Variants in FTCDNL1 observed in about 807,000 individuals in gnomAD.
FTCDNL1 encodes the protein formiminotransferase N-terminal subdomain-containing protein.
Under a neutral mutation model 5.9 loss-of-function variants are expected in FTCDNL1, and 11 were observed. The ratio of observed to expected loss-of-function variants is 1.87; its 90% confidence interval spans 1.18 to 3.10. The LOEUF is 3.10. Among genes scored for constraint, FTCDNL1 ranks in the 30% most tolerant of loss-of-function variants. FTCDNL1 has a pLI of 0.00. For missense variants in FTCDNL1, 115 were observed against 65.5 expected (o/e 1.76, Z -2.61); for synonymous variants, 58 against 24.8 (o/e 2.34, Z -3.99).
the FTCDNL1 span, among the ~76,000 whole-genome samples, chr2:199,706,906 G>A: frequency 1.2e-4 from 18 of 152,154 alleles, no homozygotes; most frequent in Admixed American, 1.2e-3. Context: ...GACATCCCCC[G>A]TAGGGCTATA....
the FTCDNL1 span, among the ~76,000 whole-genome samples, chr2:199,727,238 G>A: frequency 6.6e-6 from 1 of 152,180 alleles, no homozygotes; most frequent in African/African-American, 2.4e-5. Context: ...GGTCCAAACT[G>A]CCCAGTCCCC....
At chr2:199,696,397 A>G in the FTCDNL1 span, among the ~76,000 whole-genome samples, 1 of 152,096 alleles carries the variant, frequency 6.6e-6, no homozygotes, top group South Asian at 2.1e-4. Flanking sequence ...TCCCCCTGCC[A>G]TTGAAGTGTT....
At chr2:199,694,638 C>A in the FTCDNL1 span, among the ~76,000 whole-genome samples, 1 of 152,048 alleles carries the variant, frequency 6.6e-6, no homozygotes, top group Non-Finnish European at 1.5e-5. Context: ...TCAGCCTGGG[C>A]AACATAGTGA....
the FTCDNL1 span, among the ~76,000 whole-genome samples, chr2:199,720,791 CT>C: frequency 2.2e-3 from 333 of 148,134 alleles, 2 homozygotes; most frequent in African/African-American, 7.4e-3. Flanking sequence ...GTAGACATAT[CT>C]TTTTTTTTTT....
At chr2:199,689,126 G>T in the FTCDNL1 span, among the ~76,000 whole-genome samples, 8 of 152,156 alleles carry the variant, frequency 5.3e-5, no homozygotes, top group Non-Finnish European at 1.0e-4. Flanking sequence ...ATACTGCATA[G>T]TTATTAAAAA....
At chr2:199,838,433 A>G (rs1398051864) in intron 3 of FTCDNL1, among the ~76,000 whole-genome samples, 4 of 152,196 alleles carry the variant, frequency 2.6e-5, no homozygotes, top group Non-Finnish European at 4.4e-5. Context: ...ACCCCCAGGA[A>G]AAAAAATGGT....
downstream of FTCDNL1, chr2:199,760,536 T>A (rs1432762054): frequency 2.4e-6 from 1 of 414,538 alleles, no homozygotes; most frequent in Non-Finnish European, 4.4e-6. Context: ...TATAAACAAA[T>A]TATTTTTGAA....
intron 3 of FTCDNL1, among the ~76,000 whole-genome samples, chr2:199,828,598 G>A (rs1574641518): frequency 3.3e-5 from 5 of 152,076 alleles, no homozygotes; most frequent in Admixed American, 2.6e-4. Context: ...CTCCCTCTCC[G>A]GGAATTCATT....
chr2:199,713,422 G>A, the FTCDNL1 span, among the ~76,000 whole-genome samples: 19 of 152,262 alleles, frequency 1.2e-4, no homozygotes, highest in African/African-American at 4.6e-4. Context: ...TACAACTTGG[G>A]AGAGCTTCCC....
the FTCDNL1 span, among the ~76,000 whole-genome samples, chr2:199,734,349 G>A: frequency 1.3e-5 from 2 of 152,202 alleles, no homozygotes; most frequent in Admixed American, 1.3e-4. Context: ...CCATTAGACA[G>A]AGAAGAAAAG....
At chr2:199,842,388 C>G (rs746017931) in intron 3 of FTCDNL1, among the ~76,000 whole-genome samples, 1 of 152,206 alleles carries the variant, frequency 6.6e-6, no homozygotes, top group Admixed American at 6.5e-5. Context: ...TGCAGCCATA[C>G]TGAAGTCCTT....
the FTCDNL1 span, among the ~76,000 whole-genome samples, chr2:199,728,686 T>C: frequency 6.6e-6 from 1 of 152,196 alleles, no homozygotes; most frequent in Non-Finnish European, 1.5e-5. Context: ...GTATTATAGA[T>C]AGGAGGAGTT....
intron 4 of FTCDNL1, among the ~76,000 whole-genome samples, chr2:199,817,016 G>A (rs1344153829): frequency 6.6e-6 from 1 of 152,066 alleles, no homozygotes; most frequent in Non-Finnish European, 1.5e-5. Context: ...TAATTTAACT[G>A]TAAATTCTCT....
the FTCDNL1 span, among the ~76,000 whole-genome samples, chr2:199,716,902 A>G: frequency 5.3e-5 from 8 of 152,162 alleles, no homozygotes; most frequent in African/African-American, 1.9e-4. Context: ...GGAAATGGCT[A>G]AGGTTACTCT....
chr2:199,827,278 T>A (rs76236265), intron 3 of FTCDNL1, among the ~76,000 whole-genome samples: 87 of 152,248 alleles, frequency 5.7e-4, no homozygotes, highest in African/African-American at 2.0e-3. Flanking sequence ...TTCTATAGGA[T>A]AACTGACCCA....
At chr2:199,759,143 A>G (rs980612987), downstream of FTCDNL1, among the ~76,000 whole-genome samples, 5 of 150,584 alleles carry the variant, frequency 3.3e-5, no homozygotes, top group African/African-American at 4.9e-5. Context: ...TTGTGTGTGT[A>G]TATATATATA....
At chr2:199,843,982 A>G (rs1356526375) in intron 3 of FTCDNL1, among the ~76,000 whole-genome samples, 2 of 152,122 alleles carry the variant, frequency 1.3e-5, no homozygotes, top group Non-Finnish European at 2.9e-5. Context: ...AAAAAGGGGT[A>G]AGAGTTAACA....
the FTCDNL1 span, among the ~76,000 whole-genome samples, chr2:199,747,268 T>A: frequency 7.7e-3 from 1,178 of 152,310 alleles, 11 homozygotes; most frequent in Non-Finnish European, 0.012. Flanking sequence ...CGAAAATTCA[T>A]CTCAAACTTT....
intron 3 of FTCDNL1, among the ~76,000 whole-genome samples, chr2:199,821,572 C>A (rs1701694411): frequency 6.6e-6 from 1 of 152,090 alleles, no homozygotes; most frequent in Admixed American, 6.6e-5. Context: ...TCAAAGGATT[C>A]TCCTGCCTCA....
Sources: gnomAD v4.1 joint callset for allele counts (sites outside exome capture counted in the v4.1 genomes callset) on GRCh38, gnomAD v4.1.1 for gene constraint, MANE v1.5 for transcripts, NCBI Gene and HGNC (gene_info 2026-07-23, HGNC 2026-07-21) for gene names.